The following CFAP99 variants were observed in gnomAD, a reference collection of about 807,000 sequenced individuals.
CFAP99 encodes cilia and flagella associated protein 99.
In CFAP99, 84 loss-of-function variants were observed where a neutral mutation model predicts 82.7. That is an observed-to-expected ratio of 1.02 (90% CI 0.85 to 1.22). The LOEUF (loss-of-function observed/expected upper bound fraction) is 1.22, where lower values mean the gene tolerates loss of function less well. Ranked by LOEUF, CFAP99 falls within the 50% of genes most tolerant of loss-of-function variation. The probability of loss-of-function intolerance (pLI) is 0.00; values close to 1 mark genes in which losing one functional copy is unlikely to be tolerated. For missense variants in CFAP99, 1,059 were observed against 983.5 expected (o/e 1.08, Z -1.03); for synonymous variants, 456 against 429.5 (o/e 1.06, Z -0.76).
chr4:2,419,753 C>A (rs1733510453), intron 1 of CFAP99, among the ~76,000 whole-genome samples: 1 of 152,096 alleles, frequency 6.6e-6, no homozygotes, highest in African/African-American at 2.4e-5. Flanking sequence ...TCTAAGATTT[C>A]TCTTAGTTGG....
At chr4:2,436,602 G>A (rs925071512) in intron 2 of CFAP99, among the ~76,000 whole-genome samples, 3 of 152,054 alleles carry the variant, frequency 2.0e-5, no homozygotes, top group Non-Finnish European at 4.4e-5. Flanking sequence ...AGCTGGAACC[G>A]CACAGTACTT....
Position 2,458,713 on chromosome 4 carries a change from G to A in CFAP99, c.1162-10G>A. ...CCCCACTCACCGTGGCAGGTCCGCTGTCTGGGCAGATGGCCAAGCTGATGC... is the reference window on the plus strand; with the variant it reads ...CCCCACTCACCGTGGCAGGTCCGCTATCTGGGCAGATGGCCAAGCTGATGC... On this transcript the variant is annotated splice_polypyrimidine_tract_variant and intron_variant, in intron 11 of 14. Coordinates refer to ENST00000635017, the Ensembl canonical transcript of CFAP99. 6.5e-7 allele frequency: 1 copy of A among 1,531,054 alleles called. No homozygotes were observed. Among genetic ancestry groups the A allele is most frequent in the Non-Finnish European group, 8.7e-7 (1 of 1,144,290 alleles). The allele number at this position is 1,531,054 out of a possible 1,614,324, so 94.8% of individuals were successfully genotyped here. A position where few individuals can be genotyped will look rare whatever the true frequency, so the allele number is the denominator to read the frequency against.
intron 1 of CFAP99, among the ~76,000 whole-genome samples, chr4:2,422,364 C>G (rs1733602140): frequency 6.6e-6 from 1 of 152,134 alleles, no homozygotes; most frequent in Non-Finnish European, 1.5e-5. Context: ...CAAAGGAGCT[C>G]TTCACCCCCG....
At chr4:2,462,964 C>A, downstream of CFAP99, 1 of 1,142,618 alleles carries the variant, frequency 8.8e-7, no homozygotes, top group Non-Finnish European at 1.1e-6. The surrounding 1 kb of genome is among the most constrained non-coding windows in gnomAD (Gnocchi z 4.1). Context: ...GCGGGCCACC[C>A]CCTACACCCG....
At chr4:2,460,350 G>A in intron 14 of CFAP99, 108 bp downstream of exon 14, 1 of 991,592 alleles carries the variant, frequency 1.0e-6, no homozygotes, top group Non-Finnish European at 1.5e-6. Context: ...CCACCCTCCT[G>A]CCCAGGAAGT....
At position 2,445,313 on chromosome 4, in the gene CFAP99, G is replaced by T; in HGVS notation, c.642+5G>T. On this transcript the variant is annotated splice_donor_5th_base_variant and intron_variant, in intron 6 of 14. Transcript: ENST00000635017. ...GTCGTGGCCAAGCCGAGACCCGTGA[G>T]TGTGGGCATTCTCAGCAGGCACTGG... 7.5e-7 allele frequency: 1 copy of T among 1,333,300 alleles called. No homozygotes were observed. The highest frequency in any genetic ancestry group is 9.6e-7 in the Non-Finnish European group (1 of 1,043,652). The allele number at this position is 1,333,300 out of a possible 1,614,324, so 82.6% of individuals were successfully genotyped here. A position where few individuals can be genotyped will look rare whatever the true frequency, so the allele number is the denominator to read the frequency against.
Position 2,462,449 on chromosome 4 carries a change from G to A in CFAP99, c.1668G>A (p.Glu556=), listed in dbSNP as rs1347081525. Residue 556 remains glutamate, a synonymous_variant, in exon 15 of 15, where the codon GAG becomes GAA. Transcript: ENST00000635017. The surrounding 1 kb of genome is among the most constrained non-coding windows in gnomAD (Gnocchi z 4.1). ...CCGCCGCGTCGCCCGCCAGGTGGGA[G>A]GAAAAGAAGGCCCTTGCGGCGGCCC... 6 of 1,454,956 alleles carry A rather than the reference G, an allele frequency of 4.1e-6. No homozygotes were observed. Among genetic ancestry groups the A allele is most frequent in the South Asian group, 1.4e-5 (1 of 73,918 alleles). 90.1% of individuals were successfully genotyped at this position (1,454,956 alleles called of 1,614,324 possible). A position where few individuals can be genotyped will look rare whatever the true frequency, so the allele number is the denominator to read the frequency against.
intron 4 of CFAP99, among the ~76,000 whole-genome samples, chr4:2,442,846 G>A (rs1054730341): frequency 6.6e-6 from 1 of 151,902 alleles, no homozygotes; most frequent in African/African-American, 2.4e-5. Flanking sequence ...AGTCCCAGAA[G>A]CACACCCTGC....
At chr4:2,443,149 A>T (rs889328990) in exon 5 of CFAP99, 18 of 1,532,254 alleles carry the variant, frequency 1.2e-5, no homozygotes, top group Non-Finnish European at 1.6e-5. Context: ...TTCTTCTTCA[A>T]CCCCCTGCAC....
intron 2 of CFAP99, among the ~76,000 whole-genome samples, chr4:2,432,355 A>G (rs1364077436): frequency 1.3e-5 from 2 of 152,378 alleles, no homozygotes; most frequent in East Asian, 1.9e-4. Flanking sequence ...ACATGGCTCT[A>G]TCATCAAGGA....
chr4:2,462,437 C>A lies in CFAP99; in HGVS notation c.1662-6C>A. 7.0e-7 allele frequency: 1 copy of A among 1,434,246 alleles called. No homozygotes were observed. The allele number at this position is 1,434,246 out of a possible 1,614,324, so 88.8% of individuals were successfully genotyped here. On this transcript the variant is annotated splice_polypyrimidine_tract_variant and splice_region_variant and intron_variant, in intron 14 of 14. Coordinates refer to ENST00000635017, the Ensembl canonical transcript of CFAP99. This position sits in a 1 kb window ranked among gnomAD's most constrained non-coding sequence, Gnocchi z 4.1. ...CTGCTCCTGAGCCCGCCGCGTCGCC[C>A]GCCAGGTGGGAGGAAAAGAAGGCCC...
At position 2,448,417 on chromosome 4, in the gene CFAP99, A is replaced by G. The variant is rs1176039547; in HGVS notation, c.643-1253A>G. ...TCCACAGGGTGGCTGTGCTGAAACT[A>G]TCCTCTACCCTCCCTGCCCTGCCCC... On this transcript the variant is annotated intron_variant, in intron 6 of 14. Coordinates refer to ENST00000635017, the Ensembl canonical transcript of CFAP99. This position sits in a 1 kb window ranked among gnomAD's most constrained non-coding sequence, Gnocchi z 5.2. Among the ~76,000 whole-genome samples, 1 of 152,096 alleles carries G rather than the reference A, an allele frequency of 6.6e-6. No individual in the cohort carries two copies. Among genetic ancestry groups the G allele is most frequent in the Non-Finnish European group, 1.5e-5 (1 of 68,012 alleles).
chr4:2,458,684 G>A lies in CFAP99; in HGVS notation c.1162-39G>A, dbSNP rs1050690135. ...GGCGGGACCAGGCAGGGAAGCCGGAGCAGCCCCACTCACCGTGGCAGGTCC... is the reference window on the plus strand; with the variant it reads ...GGCGGGACCAGGCAGGGAAGCCGGAACAGCCCCACTCACCGTGGCAGGTCC... On this transcript the variant is annotated intron_variant, in intron 11 of 14. Transcript: ENST00000635017. 3 of 1,513,576 alleles carry A rather than the reference G, an allele frequency of 2.0e-6. No individual in the cohort carries two copies. The Admixed American group carries it at 6.1e-5, about 31-fold the overall frequency. 93.8% of individuals were successfully genotyped at this position (1,513,576 alleles called of 1,614,324 possible).
Position 2,446,665 on chromosome 4 carries a change from C to T in CFAP99, c.642+1357C>T, listed in dbSNP as rs973807864. 2.6e-5 allele frequency among the ~76,000 whole-genome samples: 4 copies of T among 152,224 alleles called. No individual in the cohort carries two copies. Among genetic ancestry groups the T allele is most frequent in the African/African-American group, 9.6e-5 (4 of 41,452 alleles). On this transcript the variant is annotated intron_variant, in intron 6 of 14. Transcript: ENST00000635017. The surrounding 1 kb of genome is among the most constrained non-coding windows in gnomAD (Gnocchi z 5.0). ...TAGGCCTCCCAAAGTGCTGGGATTA[C>T]AGGCGTAAGCCACCACACCTGGCCA...
intron 1 of CFAP99, among the ~76,000 whole-genome samples, chr4:2,422,662 C>T (rs1733608435): frequency 6.6e-6 from 1 of 152,152 alleles, no homozygotes; most frequent in Non-Finnish European, 1.5e-5. Flanking sequence ...GGGTGTATAC[C>T]CTGTTCCTCC....
At chr4:2,442,456 G>C (rs1287503548) in intron 4 of CFAP99, among the ~76,000 whole-genome samples, 1 of 152,010 alleles carries the variant, frequency 6.6e-6, no homozygotes, top group East Asian at 1.9e-4. Flanking sequence ...GCTGGGGAGG[G>C]TGGCCACCCT....
At chr4:2,419,402 G>A (rs1203792) in intron 1 of CFAP99, among the ~76,000 whole-genome samples, 24,433 of 151,994 alleles carry the variant, frequency 0.16, 2,145 homozygotes, top group East Asian at 0.34. Context: ...CCCACACGTG[G>A]CCTCACTTAA....
intron 4 of CFAP99, among the ~76,000 whole-genome samples, chr4:2,438,455 G>C (rs1342640767): frequency 1.3e-5 from 2 of 151,994 alleles, no homozygotes; most frequent in African/African-American, 4.8e-5. Context: ...GTAGAGACGG[G>C]GTTTCACCAT....
At chr4:2,426,345 C>T (rs1254509623) in intron 1 of CFAP99, 114 bp from the exon 2 acceptor site, 22 of 688,088 alleles carry the variant, frequency 3.2e-5, no homozygotes, top group African/African-American at 1.2e-4. Flanking sequence ...CAGTCACATC[C>T]GGTCTTCCTG....
Sources: allele counts gnomAD v4.1 joint callset (sites outside exome capture counted in the v4.1 genomes callset), GRCh38; gene constraint gnomAD v4.1.1; non-coding constraint Gnocchi (gnomAD v3.1); transcripts MANE v1.5; gene names NCBI Gene and HGNC (gene_info 2026-07-23, HGNC 2026-07-21).